The following CNTNAP2 variants were observed in gnomAD, a reference collection of about 807,000 sequenced individuals.
The protein encoded by CNTNAP2 is contactin associated protein 2, also known as contactin-associated protein-like 2.
In CNTNAP2, 98 loss-of-function variants were observed where a neutral mutation model predicts 155.2. That is an observed-to-expected ratio of 0.63 (90% confidence interval 0.54 to 0.75). CNTNAP2 has a LOEUF of 0.75. Ranked by LOEUF, CNTNAP2 falls within the 30% of genes least tolerant of loss-of-function variation. The probability of loss-of-function intolerance (pLI) is 0.00; values close to 1 mark genes in which losing one functional copy is unlikely to be tolerated. For synonymous variants in CNTNAP2, 651 were observed against 631.2 expected (o/e 1.03, Z -0.47); for missense variants, 1,727 against 1,688.1 (o/e 1.02, Z -0.40).
At chr7:147,437,130 G>A (rs1797563115) in intron 10 of CNTNAP2, among the ~76,000 whole-genome samples, 1 of 151,950 alleles carries the variant, frequency 6.6e-6, no homozygotes, top group Non-Finnish European at 1.5e-5. Flanking sequence ...CTAGTATGTG[G>A]CCTGGACACA....
intron 9 of CNTNAP2, among the ~76,000 whole-genome samples, chr7:147,376,432 T>C (rs1360920977): frequency 1.3e-5 from 2 of 151,984 alleles, no homozygotes; most frequent in Non-Finnish European, 2.9e-5. Flanking sequence ...GGTTCATATG[T>C]TTTGAAAATG....
intron 3 of CNTNAP2, among the ~76,000 whole-genome samples, chr7:146,909,108 A>G (rs1320799299): frequency 6.6e-6 from 1 of 152,188 alleles, no homozygotes; most frequent in African/African-American, 2.4e-5. Flanking sequence ...ACCAGGAAGA[A>G]GTTGAATCTC....
intron 9 of CNTNAP2, among the ~76,000 whole-genome samples, chr7:147,321,655 G>C (rs980034664): frequency 6.6e-6 from 1 of 152,146 alleles, no homozygotes; most frequent in African/African-American, 2.4e-5. Flanking sequence ...GAGCACTTGA[G>C]TCTTTCCAAG....
intron 13 of CNTNAP2, among the ~76,000 whole-genome samples, chr7:147,642,618 A>G (rs537287531): frequency 1.3e-5 from 2 of 152,288 alleles, no homozygotes; most frequent in South Asian, 2.1e-4. Flanking sequence ...ATTTCCTAAT[A>G]ATGAGATGAA....
At chr7:146,238,727 G>C (rs1799514426) in intron 1 of CNTNAP2, among the ~76,000 whole-genome samples, 1 of 152,090 alleles carries the variant, frequency 6.6e-6, no homozygotes, top group Admixed American at 6.6e-5. Flanking sequence ...ACAGGAAAGA[G>C]GCAAAACTGA....
chr7:147,602,068 C>T (rs1044408549), intron 12 of CNTNAP2, among the ~76,000 whole-genome samples: 2 of 151,914 alleles, frequency 1.3e-5, no homozygotes, highest in Non-Finnish European at 2.9e-5. Flanking sequence ...TCAAGAGGTC[C>T]AAATGTCTAC....
At chr7:146,984,733 AT>A (rs762779597) in intron 3 of CNTNAP2, among the ~76,000 whole-genome samples, 2 of 151,868 alleles carry the variant, frequency 1.3e-5, no homozygotes, top group African/African-American at 2.4e-5. Context: ...TGTCTCTAAT[AT>A]TTTTTCCCCA....
chr7:146,621,618 GAGA>G (rs1799318993), intron 1 of CNTNAP2, among the ~76,000 whole-genome samples: 1 of 152,144 alleles, frequency 6.6e-6, no homozygotes, highest in Non-Finnish European at 1.5e-5. Context: ...ATAGGTTTTA[GAGA>G]AGAAGATCAC....
At chr7:146,502,247 A>ATGAATATATATGTG (rs1440683315) in intron 1 of CNTNAP2, among the ~76,000 whole-genome samples, 9 of 129,072 alleles carry the variant, frequency 7.0e-5, no homozygotes, top group Admixed American at 2.2e-4. Context: ...ATATATATAT[A>ATGAATATATATGTG]TATATATATA....
intron 1 of CNTNAP2, among the ~76,000 whole-genome samples, chr7:146,373,516 CAAATATTAG>C (rs779828901): frequency 1.7e-4 from 25 of 151,320 alleles, no homozygotes; most frequent in Non-Finnish European, 3.2e-4. Flanking sequence ...TCTTTTTTAA[CAAATATTAG>C]AAATATGTTG....
intron 10 of CNTNAP2, among the ~76,000 whole-genome samples, chr7:147,454,327 T>C (rs1327559518): frequency 6.6e-6 from 1 of 152,194 alleles, no homozygotes; most frequent in African/African-American, 2.4e-5. Flanking sequence ...AAGTAAACTA[T>C]GTGTTCAGCC....
At chr7:147,745,468 G>A (rs1317044790) in intron 13 of CNTNAP2, among the ~76,000 whole-genome samples, 1 of 152,158 alleles carries the variant, frequency 6.6e-6, no homozygotes, top group African/African-American at 2.4e-5. Flanking sequence ...ACACATCCCT[G>A]TCAACCATCA....
chr7:147,947,492 G>T (rs189095485), intron 14 of CNTNAP2, among the ~76,000 whole-genome samples: 3 of 149,398 alleles, frequency 2.0e-5, no homozygotes, highest in Non-Finnish European at 4.4e-5. Flanking sequence ...GTTGGGCATT[G>T]TAGTGCATGC....
At chr7:146,970,813 A>G (rs1051575095) in intron 3 of CNTNAP2, among the ~76,000 whole-genome samples, 12 of 152,200 alleles carry the variant, frequency 7.9e-5, no homozygotes, top group Admixed American at 7.2e-4. Flanking sequence ...AACCAACCCA[A>G]ATGTCCAACA....
At chr7:146,760,586 G>C (rs1413421883) in intron 1 of CNTNAP2, among the ~76,000 whole-genome samples, 1 of 151,338 alleles carries the variant, frequency 6.6e-6, no homozygotes, top group Non-Finnish European at 1.5e-5. Context: ...CATCACGCCT[G>C]GCTAATTTTT....
At chr7:146,807,358 T>C (rs1274709044) in intron 2 of CNTNAP2, among the ~76,000 whole-genome samples, 1 of 152,210 alleles carries the variant, frequency 6.6e-6, no homozygotes, top group Non-Finnish European at 1.5e-5. Flanking sequence ...TCCTTGTTGC[T>C]AGATTATGAG....
At chr7:146,190,968 A>T (rs1435440565) in intron 1 of CNTNAP2, among the ~76,000 whole-genome samples, 1 of 152,180 alleles carries the variant, frequency 6.6e-6, no homozygotes, top group Non-Finnish European at 1.5e-5. Context: ...GCAAAATTTG[A>T]CTTTAATCAT....
intron 8 of CNTNAP2, among the ~76,000 whole-genome samples, chr7:147,212,011 A>G (rs185527088): frequency 5.3e-5 from 8 of 152,234 alleles, no homozygotes; most frequent in African/African-American, 1.9e-4. Context: ...CGACATCACT[A>G]ATCATCAGAG....
chr7:147,491,756 G>A (rs1279623062), intron 11 of CNTNAP2, among the ~76,000 whole-genome samples: 8 of 152,124 alleles, frequency 5.3e-5, no homozygotes, highest in Admixed American at 5.2e-4. Context: ...AAGCTATAAG[G>A]AGAGAGTACA....
Sources: allele counts gnomAD v4.1 joint callset (sites outside exome capture counted in the v4.1 genomes callset), GRCh38; gene constraint gnomAD v4.1.1; transcripts MANE v1.5; gene names NCBI Gene and HGNC (gene_info 2026-07-23, HGNC 2026-07-21).